The following CDH4 variants were observed in gnomAD, a reference collection of about 807,000 sequenced individuals.
CDH4 encodes the protein cadherin-4.
CDH4 carries 33 observed loss-of-function variants against 86.0 expected under a neutral mutation model. That is an observed-to-expected ratio of 0.38 (90% CI 0.29 to 0.51). The LOEUF is 0.51. Ranked by LOEUF, CDH4 falls within the 20% of genes least tolerant of loss-of-function variation. The probability of loss-of-function intolerance (pLI) is 0.86; values close to 1 mark genes in which losing one functional copy is unlikely to be tolerated. For synonymous variants in CDH4, 555 were observed against 549.4 expected (o/e 1.01, Z -0.14); for missense variants, 1,114 against 1,307.4 (o/e 0.85, Z 2.28).
In CDH4 at chr20:61,451,285, G is replaced by A. The variant is rs184473866; in HGVS notation, c.169+196348G>A. 2.9e-3 allele frequency among the ~76,000 whole-genome samples: 437 copies of A among 152,184 alleles called. 3 individuals carry two copies. The highest frequency in any genetic ancestry group is 0.01 in the Middle Eastern group (3 of 294). Reference sequence around the variant, plus strand: ...AGCGGCTGCATATAAGGAGGAAACGGCACGGACCACCATGGAGCATGTGCG... The same window carrying A: ...AGCGGCTGCATATAAGGAGGAAACGACACGGACCACCATGGAGCATGTGCG... On this transcript the variant is annotated intron_variant, in intron 2 of 15. Transcript: ENST00000614565.
chr20:61,548,676 C>T (rs2086106250), intron 2 of CDH4, among the ~76,000 whole-genome samples: 6 of 152,018 alleles, frequency 3.9e-5, no homozygotes. Context: ...TTAAGTAATT[C>T]AAAGAGAAGA....
chr20:61,781,317 A>G (rs1167036100), intron 4 of CDH4, among the ~76,000 whole-genome samples: 1 of 152,042 alleles, frequency 6.6e-6, no homozygotes, highest in African/African-American at 2.4e-5. Context: ...GAACCCTGAG[A>G]TCACCCAGAC....
intron 4 of CDH4, among the ~76,000 whole-genome samples, chr20:61,839,817 G>A (rs1005648930): frequency 6.6e-6 from 1 of 151,746 alleles, no homozygotes; most frequent in Non-Finnish European, 1.5e-5. Flanking sequence ...GTGCACATGT[G>A]TGTTGTGTGT....
chr20:61,640,536 T>C (rs985178869), intron 2 of CDH4, among the ~76,000 whole-genome samples: 4 of 152,074 alleles, frequency 2.6e-5, no homozygotes, highest in Admixed American at 2.6e-4. Flanking sequence ...GAGGAGCTAT[T>C]GTCATGTGAG....
At chr20:61,693,469 C>A (rs142163646) in intron 2 of CDH4, among the ~76,000 whole-genome samples, 49 of 152,334 alleles carry the variant, frequency 3.2e-4, no homozygotes, top group African/African-American at 1.2e-3. Context: ...CAGATGACCA[C>A]GTGTGGGCTT....
rs960999595 is a variant in CDH4 at position 61,684,489 on chromosome 20, C to T, written c.170-59074C>T. Among the ~76,000 whole-genome samples the T allele has an allele frequency of 6.6e-6, 1 of 152,190 alleles. No homozygotes were observed. Among genetic ancestry groups the T allele is most frequent in the Non-Finnish European group, 1.5e-5 (1 of 68,036 alleles). On this transcript the variant is annotated intron_variant, in intron 2 of 15. Coordinates refer to ENST00000614565, the MANE Select transcript of CDH4 (RefSeq NM_001794.5). This position sits in a 1 kb window ranked among gnomAD's most constrained non-coding sequence, Gnocchi z 4.5. The stretch of plus-strand genomic sequence containing the variant: ...AATAGCCTTGAGCCTGGGCAGAATT[C>T]GGAGGCAACCATCTCCTGGCCGCCT...
At chr20:61,466,819 C>T (rs547590477) in intron 2 of CDH4, among the ~76,000 whole-genome samples, 11 of 150,158 alleles carry the variant, frequency 7.3e-5, no homozygotes, top group African/African-American at 2.5e-4. Flanking sequence ...CCACTGCACT[C>T]CAGCCTGGGT....
At chr20:61,885,195 T>A (rs1439572364) in intron 7 of CDH4, among the ~76,000 whole-genome samples, 3 of 152,192 alleles carry the variant, frequency 2.0e-5, no homozygotes, top group Admixed American at 6.5e-5. Context: ...ACCCTTTAAC[T>A]GTACGCTTCA....
chr20:61,684,979 T>A lies in CDH4; in HGVS notation c.170-58584T>A, dbSNP rs1303362715. ...AGTCAATTCAGAGTTCCATGTATAGTGTAGAGTTGAGTATATGTTACAGAG... is the reference window on the plus strand; with the variant it reads ...AGTCAATTCAGAGTTCCATGTATAGAGTAGAGTTGAGTATATGTTACAGAG... On this transcript the variant is annotated intron_variant, in intron 2 of 15. Coordinates refer to ENST00000614565, the MANE Select transcript of CDH4 (RefSeq NM_001794.5). This position sits in a 1 kb window ranked among gnomAD's most constrained non-coding sequence, Gnocchi z 4.5. Among the ~76,000 whole-genome samples, 2 of 152,180 alleles carry A rather than the reference T, an allele frequency of 1.3e-5. No individual in the cohort carries two copies. The highest frequency in any genetic ancestry group is 1.5e-5 in the Non-Finnish European group (1 of 68,038).
intron 2 of CDH4, among the ~76,000 whole-genome samples, chr20:61,444,111 T>G (rs909695230): frequency 4.5e-4 from 68 of 151,876 alleles, no homozygotes; most frequent in Non-Finnish European, 2.2e-4. Flanking sequence ...TGTGTGATTG[T>G]GTGTATCTCT....
Position 61,351,800 on chromosome 20 carries a change from T to G in CDH4, c.169+96863T>G, listed in dbSNP as rs374106498. Among the ~76,000 whole-genome samples the G allele has an allele frequency of 1.7e-4, 26 of 152,012 alleles. No individual in the cohort carries two copies. The East Asian group carries it at 4.3e-3, about 25-fold the overall frequency. ...GGCGCAATCTCGGCTCACTGCAACC[T>G]CCGCCTCCCAGGTTCAAGCGATTCT... On this transcript the variant is annotated intron_variant, in intron 2 of 15. Coordinates refer to ENST00000614565, the MANE Select transcript of CDH4 (RefSeq NM_001794.5).
intron 2 of CDH4, among the ~76,000 whole-genome samples, chr20:61,677,796 GGAT>G (rs2087461000): frequency 9.6e-6 from 1 of 104,302 alleles, no homozygotes; most frequent in South Asian, 4.3e-4. Context: ...ATAGATACAT[GGAT>G]GATGGATGGA....
chr20:61,551,484 C>T (rs73320397), intron 2 of CDH4, among the ~76,000 whole-genome samples: 2,380 of 152,318 alleles, frequency 0.016, 67 homozygotes, highest in African/African-American at 0.054. Flanking sequence ...TCATCTCTCT[C>T]ATTCAATTGC....
In CDH4 at chr20:61,282,552, T is replaced by C. The variant is rs62199406; in HGVS notation, c.169+27615T>C. The stretch of plus-strand genomic sequence containing the variant: ...CTTTGGCATGGTGTGTGTGCATGTG[T>C]GTGTGTGTGTGTGTGTGTGTATGTC... On this transcript the variant is annotated intron_variant, in intron 2 of 15. Coordinates refer to ENST00000614565, the MANE Select transcript of CDH4 (RefSeq NM_001794.5). 1.1e-4 allele frequency among the ~76,000 whole-genome samples: 9 copies of C among 78,348 alleles called. No individual in the cohort carries two copies. In the South Asian group the frequency reaches 1.3e-3, roughly 11 times the overall value. The allele number at this position is 78,348 out of a possible 152,430, so 51.4% of individuals were successfully genotyped here. A position where few individuals can be genotyped will look rare whatever the true frequency, so the allele number is the denominator to read the frequency against.
intron 2 of CDH4, chr20:61,718,919 C>G (rs1315859041): frequency 4.2e-6 from 2 of 471,078 alleles, no homozygotes; most frequent in South Asian, 1.5e-5. Context: ...GCTCTTCCAG[C>G]CCAGGGTGTT....
chr20:61,843,950 G>A (rs1568845440), intron 4 of CDH4, among the ~76,000 whole-genome samples: 1 of 152,198 alleles, frequency 6.6e-6, no homozygotes, highest in East Asian at 1.9e-4. Flanking sequence ...CACCTGTGGT[G>A]GGCTGGTGAC....
At chr20:61,396,784 C>A (rs2085020078) in intron 2 of CDH4, among the ~76,000 whole-genome samples, 1 of 152,122 alleles carries the variant, frequency 6.6e-6, no homozygotes, top group Non-Finnish European at 1.5e-5. Flanking sequence ...CCATCACTAG[C>A]CTAGGAGGGA....
intron 2 of CDH4, among the ~76,000 whole-genome samples, chr20:61,262,468 C>T (rs1213045115): frequency 1.3e-5 from 2 of 152,296 alleles, no homozygotes; most frequent in Non-Finnish European, 2.9e-5. Flanking sequence ...CCTTCCTGGG[C>T]GCAGGGTCAC....
chr20:61,770,830 C>A (rs530045674), intron 3 of CDH4, among the ~76,000 whole-genome samples: 15 of 150,046 alleles, frequency 1.0e-4, no homozygotes, highest in Admixed American at 2.0e-4. Flanking sequence ...TTGCAGTGAG[C>A]CGAGATCACA....
Sources: gnomAD v4.1 joint callset for allele counts (sites outside exome capture counted in the v4.1 genomes callset) on GRCh38, gnomAD v4.1.1 for gene constraint, Gnocchi (gnomAD v3.1) non-coding constraint, MANE v1.5 for transcripts, NCBI Gene and HGNC (gene_info 2026-07-23, HGNC 2026-07-21) for gene names.